ZFYVE19: variants seen among roughly 807,000 people sequenced by gnomAD.
The protein encoded by ZFYVE19 is zinc finger FYVE-type containing 19.
Under a neutral mutation model 62.8 loss-of-function variants are expected in ZFYVE19, and 49 were observed. The ratio of observed to expected loss-of-function variants is 0.78; its 90% CI spans 0.62 to 0.99. The LOEUF is 0.99. Ranked by LOEUF, ZFYVE19 falls within the 50% of genes least tolerant of loss-of-function variation. The probability of loss-of-function intolerance (pLI) is 0.00; values close to 1 mark genes in which losing one functional copy is unlikely to be tolerated. For missense variants in ZFYVE19, 630 were observed against 601.9 expected (o/e 1.05, Z -0.49); for synonymous variants, 242 against 234.3 (o/e 1.03, Z -0.30).
At position 40,813,200 on chromosome 15, in the gene ZFYVE19, T is replaced by C. The variant is rs552905484; in HGVS notation, c.1031-138T>C. The stretch of plus-strand genomic sequence containing the variant: ...GGCAGGCAGGGACAGGTCATCAGGG[T>C]GGCTGAAGAGGCTTCTCAGCTCTGG... On this transcript the variant is annotated intron_variant, in intron 7 of 10. Transcript: ENST00000355341. 2.5e-5 allele frequency: 20 copies of C among 791,792 alleles called. No individual in the cohort carries two copies. The South Asian group carries it at 2.5e-4, about 10-fold the overall frequency. The allele number at this position is 791,792 out of a possible 1,614,324, so 49.0% of individuals were successfully genotyped here.
chr15:40,810,336 C>T, intron 5 of ZFYVE19, 120 bp downstream of exon 5: 3 of 1,452,752 alleles, frequency 2.1e-6, no homozygotes, highest in Non-Finnish European at 2.7e-6. Context: ...CTTTTAATTG[C>T]AAAAACCTCA....
Position 40,810,217 on chromosome 15 carries a change from G to A in ZFYVE19, c.717+1G>A. ...TCTACCTTCTCAAACCCCCCAGCCGGTGAGTGTTATGGCTTAGGAGAGAAG... is the reference window on the plus strand; with the variant it reads ...TCTACCTTCTCAAACCCCCCAGCCGATGAGTGTTATGGCTTAGGAGAGAAG... On this transcript the variant is annotated splice_donor_variant, in intron 5 of 10. Transcript: ENST00000355341. LOFTEE classifies it high-confidence loss of function. The A allele has an allele frequency of 1.2e-6, 2 of 1,614,174 alleles. No individual in the cohort carries two copies. Among genetic ancestry groups the A allele is most frequent in the Non-Finnish European group, 1.7e-6 (2 of 1,180,024 alleles).
rs755691378 is a variant in ZFYVE19, at chr15:40,809,465, G to T, written c.452+7G>T. 1.2e-6 allele frequency: 2 copies of T among 1,614,058 alleles called. No homozygotes were observed. Among genetic ancestry groups the T allele is most frequent in the Non-Finnish European group, 1.7e-6 (2 of 1,179,944 alleles). On this transcript the variant is annotated splice_region_variant and intron_variant, in intron 3 of 10. Coordinates refer to ENST00000355341, the MANE Select transcript of ZFYVE19 (RefSeq NM_001077268.2). ...CACCTCAGAACTATAAGAAGTAAGT[G>T]CTGAAGAGAAAAAGACAAAGAGCAT...
In ZFYVE19 at chr15:40,807,599, G is replaced by A. The variant is rs376938566; in HGVS notation, c.10G>A (p.Asp4Asn). MNY[D>N]SQQPPLPPLP... Reference sequence around the variant, plus strand: ...AGGCCGGCAGTCGTGAATGAACTACGACTCCCAGCAGCCCCCGTTGCCGCC... The same window carrying A: ...AGGCCGGCAGTCGTGAATGAACTACAACTCCCAGCAGCCCCCGTTGCCGCC... Residue 4 changes from aspartate (D) to asparagine (N), a missense_variant, in exon 1 of 11, where the codon GAC (aspartate) becomes AAC (asparagine). Coordinates refer to ENST00000355341, the MANE Select transcript of ZFYVE19 (RefSeq NM_001077268.2). The A allele has an allele frequency of 3.8e-5, 61 of 1,612,386 alleles. No homozygotes were observed. The highest frequency in any genetic ancestry group is 4.7e-5 in the Non-Finnish European group (55 of 1,179,306).
At chr15:40,813,460 G>A (rs3736286) in intron 8 of ZFYVE19, 43 bp downstream of exon 8, 527,992 of 1,541,990 alleles carry the variant, frequency 0.34, 93,667 homozygotes, top group South Asian at 0.48. Flanking sequence ...TCCCGTCTCC[G>A]CCTCATTGCC....
intron 6 of ZFYVE19, 138 bp from the exon 7 acceptor site, chr15:40,812,557 AAAAG>A (rs1181376902): frequency 0.046 from 21,384 of 461,412 alleles, 318 homozygotes; most frequent in African/African-American, 0.074. Context: ...AAAAAAAAAA[AAAAG>A]AAAGAAAGAA....
At chr15:40,813,477 C>G (rs1246911324) in intron 8 of ZFYVE19, 60 bp downstream of exon 8, 1 of 1,487,148 alleles carries the variant, frequency 6.7e-7, no homozygotes, top group African/African-American at 1.4e-5. Flanking sequence ...TGCCCCACCT[C>G]TACTCTGGGG....
chr15:40,809,718 G>A lies in ZFYVE19; in HGVS notation c.453-134G>A, dbSNP rs1363018356. ...TGGGCTGCAGGGTGACATGAGTGAG[G>A]GGCACAGCAGATTGCCCATTGGAGG... On this transcript the variant is annotated intron_variant, in intron 3 of 10. Coordinates refer to ENST00000355341, the MANE Select transcript of ZFYVE19 (RefSeq NM_001077268.2). 1.5e-5 allele frequency: 15 copies of A among 1,027,460 alleles called. No individual in the cohort carries two copies. In the East Asian group the frequency reaches 2.4e-4, roughly 16 times the overall value. 63.6% of individuals were successfully genotyped at this position (1,027,460 alleles called of 1,614,324 possible).
chr15:40,813,311 C>T (rs1402666218), intron 7 of ZFYVE19, 27 bp from the exon 8 acceptor site: 16 of 1,607,972 alleles, frequency 1.0e-5, no homozygotes, highest in Non-Finnish European at 1.4e-5. Context: ...CTCCCCCATC[C>T]CCTGTTCCCA....
rs779444097 is a variant in ZFYVE19, at chr15:40,807,425, A to G, written c.-165A>G. On this transcript the variant is annotated 5_prime_UTR_variant, in exon 1 of 11. Transcript: ENST00000355341. ...AGCAGCGCGTACAGGTCCATCTGTA[A>G]GAGCTCCTTGGTCACTGCCATGGTT... The G allele has an allele frequency of 6.2e-7, 1 of 1,614,232 alleles. No individual in the cohort carries two copies. Among genetic ancestry groups the G allele is most frequent in the East Asian group, 2.2e-5 (1 of 44,888 alleles).
chr15:40,811,085 A>C (rs1053836837), intron 6 of ZFYVE19: 5 of 320,358 alleles, frequency 1.6e-5, no homozygotes. Context: ...AATCAGGAGG[A>C]GTAAACGAGA....
Position 40,813,772 on chromosome 15 carries a change from T to C in ZFYVE19, c.1170T>C (p.Ala390=). Reference sequence around the variant, plus strand: ...GCTTTAACATCCCTGCAGAGCAGGCTTCTCGACCCTGGACGCAACCCCGCG... The same window carrying C: ...GCTTTAACATCCCTGCAGAGCAGGCCTCTCGACCCTGGACGCAACCCCGCG... ...ASGFNIPAEQ[A]SRPWTQPRGA... Residue 390 remains alanine, a synonymous_variant, in exon 9 of 11, where the codon GCT becomes GCC. Coordinates refer to ENST00000355341, the MANE Select transcript of ZFYVE19 (RefSeq NM_001077268.2). 6.2e-7 allele frequency: 1 copy of C among 1,614,104 alleles called. No homozygotes were observed. The highest frequency in any genetic ancestry group is 8.5e-7 in the Non-Finnish European group (1 of 1,180,008).
At chr15:40,809,298 C>A in intron 2 of ZFYVE19, 58 bp downstream of exon 2, 1 of 1,612,632 alleles carries the variant, frequency 6.2e-7, no homozygotes. Flanking sequence ...ATCTGGCCAG[C>A]CCTCACAGCT....
At chr15:40,812,620 G>C in intron 6 of ZFYVE19, 79 bp from the exon 7 acceptor site, 2 of 1,019,470 alleles carry the variant, frequency 2.0e-6, no homozygotes, top group Non-Finnish European at 2.9e-6. Flanking sequence ...GAAAAGAAAA[G>C]GTTGAGAAAT....
Position 40,812,913 on chromosome 15 carries a change from G to T in ZFYVE19, c.1030+11G>T. ...AGGACCCCGAGAGAGGTGAAGGCTGGGGAGCAGCTGCTCACTGGTATCCCT... is the reference window on the plus strand; with the variant it reads ...AGGACCCCGAGAGAGGTGAAGGCTGTGGAGCAGCTGCTCACTGGTATCCCT... On this transcript the variant is annotated intron_variant, in intron 7 of 10. Transcript: ENST00000355341. The T allele has an allele frequency of 6.2e-7, 1 of 1,607,532 alleles. No homozygotes were observed. The highest frequency in any genetic ancestry group is 1.1e-5 in the South Asian group (1 of 90,974).
In ZFYVE19 at chr15:40,812,717, A is replaced by G; in HGVS notation, c.845A>G (p.Asp282Gly). The part of the protein sequence containing the change: ...GGGPAASLQN[D>G]LNQGGPGSTN... ...CTTCCAGCTGCCTCTCTCCAGAATG[A>G]TCTCAACCAGGGTGGCCCAGGGAGC... The change falls in exon 7 of 11, where the codon GAT (aspartate) becomes GGT (glycine). Residue 282 changes from aspartate to glycine, a missense_variant. Transcript: ENST00000355341. The G allele has an allele frequency of 1.2e-6, 2 of 1,608,348 alleles. No individual in the cohort carries two copies. Among genetic ancestry groups the G allele is most frequent in the Middle Eastern group, 1.6e-4 (1 of 6,062 alleles).
chr15:40,808,713 G>A, intron 1 of ZFYVE19: 1 of 304,634 alleles, frequency 3.3e-6, no homozygotes, highest in South Asian at 3.9e-5. Context: ...CTTAATAAAT[G>A]GAGGCTATTG....
rs777081768 is a variant in ZFYVE19 at position 40,814,240 on chromosome 15, C to T, written c.*14C>T. Reference sequence around the variant, plus strand: ...CAAGAGCACTGAAGACACCCTGGTCCTCCCGGAAGGGCAGTCCCACAGGCA... The same window carrying T: ...CAAGAGCACTGAAGACACCCTGGTCTTCCCGGAAGGGCAGTCCCACAGGCA... On this transcript the variant is annotated 3_prime_UTR_variant, in exon 11 of 11. Coordinates refer to ENST00000355341, the MANE Select transcript of ZFYVE19 (RefSeq NM_001077268.2). The T allele has an allele frequency of 4.3e-6, 7 of 1,613,862 alleles. No individual in the cohort carries two copies. The African/African-American group carries it at 8.0e-5, about 18-fold the overall frequency.
chr15:40,813,196 A>C (rs1471416486), intron 7 of ZFYVE19, 142 bp from the exon 8 acceptor site: 1 of 772,072 alleles, frequency 1.3e-6, no homozygotes, highest in African/African-American at 1.7e-5. Context: ...ACAGGTCATC[A>C]GGGTGGCTGA....
Sources: allele counts gnomAD v4.1 joint callset, GRCh38; gene constraint gnomAD v4.1.1; transcripts MANE v1.5; gene names NCBI Gene and HGNC (gene_info 2026-07-23, HGNC 2026-07-21).